Variants in SEC14L5 observed in about 807,000 individuals in gnomAD.
SEC14L5 encodes the protein SEC14 like lipid binding 5, also known as SEC14-like protein 5.
Under a neutral mutation model 84.6 loss-of-function variants are expected in SEC14L5, and 96 were observed. That is an observed-to-expected ratio of 1.13 (90% CI 0.96 to 1.34). The LOEUF is 1.34. Ranked by LOEUF, SEC14L5 falls within the 40% of genes most tolerant of loss-of-function variation. SEC14L5 has a pLI of 0.00. For synonymous variants in SEC14L5, 546 were observed against 383.4 expected (o/e 1.42, Z -4.95); for missense variants, 1,224 against 942.5 (o/e 1.30, Z -3.91).
chr16:4,991,803 C>G (rs778120192), intron 5 of SEC14L5, 35 bp from the exon 6 acceptor site: 1 of 1,495,392 alleles, frequency 6.7e-7, no homozygotes, highest in African/African-American at 1.4e-5. Context: ...CATCCTGCCC[C>G]GTGCTCATGT....
In SEC14L5 at chr16:5,003,448, C is replaced by T; in HGVS notation, c.1177C>T (p.Leu393=). The change falls in exon 11 of 16, where the codon CTG becomes TTG. Residue 393 remains leucine, a synonymous_variant. Transcript: ENST00000251170. ...CCTGGAGGGACTCAACATGCGGCAC[C>T]TGTGGCGGCCGGGGGTGAAGGCCCT... is the stretch of plus-strand genomic sequence containing the variant. ...LDLEGLNMRH[L]WRPGVKALLR... is the part of the protein sequence containing the mutation. 1 of 1,613,464 alleles carries T rather than the reference C, an allele frequency of 6.2e-7. No homozygotes were observed. The highest frequency in any genetic ancestry group is 8.5e-7 in the Non-Finnish European group (1 of 1,179,744).
Position 4,991,955 on chromosome 16 carries a change from A to G in SEC14L5, c.592A>G (p.Arg198Gly). The G allele has an allele frequency of 6.3e-7, 1 of 1,596,504 alleles. No individual in the cohort carries two copies. The highest frequency in any genetic ancestry group is 8.5e-7 in the Non-Finnish European group (1 of 1,175,370). ...GGATGCCCGCAACCAGGCTGGACCGAGGGACCCCAGCTCCCTGGAGGCCCA... is the reference window on the plus strand; with the variant it reads ...GGATGCCCGCAACCAGGCTGGACCGGGGGACCCCAGCTCCCTGGAGGCCCA... ...EEDARNQAGPRDPSSLEAHGP... is the reference protein window; with the variant it reads ...EEDARNQAGPGDPSSLEAHGP... Residue 198 changes from arginine (R) to glycine (G), a missense_variant, in exon 6 of 16, where the codon AGG (arginine) becomes GGG (glycine). Transcript: ENST00000251170.
At chr16:4,980,619 C>G (rs183712540) in intron 2 of SEC14L5, among the ~76,000 whole-genome samples, 1 of 152,148 alleles carries the variant, frequency 6.6e-6, no homozygotes, top group African/African-American at 2.4e-5. Flanking sequence ...GGACCAAGCC[C>G]GGCACAGGTA....
chr16:4,962,315 C>T (rs1197678241), intron 2 of SEC14L5, among the ~76,000 whole-genome samples: 2 of 152,108 alleles, frequency 1.3e-5, no homozygotes, highest in African/African-American at 2.4e-5. Context: ...AATGAAGGCA[C>T]GGCTCCATTT....
At chr16:5,011,662 C>A (rs1220409535) in intron 15 of SEC14L5, among the ~76,000 whole-genome samples, 2 of 152,146 alleles carry the variant, frequency 1.3e-5, no homozygotes, top group Admixed American at 6.5e-5. Context: ...CAAGTTGTTG[C>A]TTTCAGAGAG....
intron 2 of SEC14L5, among the ~76,000 whole-genome samples, chr16:4,976,189 A>G (rs150634743): frequency 2.0e-5 from 3 of 152,222 alleles, no homozygotes; most frequent in African/African-American, 7.2e-5. Flanking sequence ...TATTCTTCTG[A>G]CAAGTAGCAA....
At chr16:4,987,498 G>GCA (rs1555529516) in intron 2 of SEC14L5, 59 bp from the exon 3 acceptor site, 5 of 667,676 alleles carry the variant, frequency 7.5e-6, no homozygotes, top group Non-Finnish European at 7.5e-6. Context: ...AGGTCGCGCT[G>GCA]GGGGGGGGGG....
chr16:4,981,196 A>C (rs1955419423), intron 2 of SEC14L5, among the ~76,000 whole-genome samples: 1 of 150,072 alleles, frequency 6.7e-6, no homozygotes, highest in South Asian at 2.1e-4. Context: ...CACTCACTGC[A>C]ATCTCTGCCT....
intron 2 of SEC14L5, among the ~76,000 whole-genome samples, chr16:4,976,297 G>C (rs1210493508): frequency 6.6e-6 from 1 of 152,202 alleles, no homozygotes; most frequent in East Asian, 1.9e-4. Context: ...GCAGAGCAGA[G>C]ATCCCAACCC....
chr16:4,974,528 G>A (rs550472621), intron 2 of SEC14L5, among the ~76,000 whole-genome samples: 1 of 152,032 alleles, frequency 6.6e-6, no homozygotes, highest in South Asian at 2.1e-4. Flanking sequence ...AAAAGGGTGG[G>A]CTATATGATA....
intron 4 of SEC14L5, among the ~76,000 whole-genome samples, 177 bp downstream of exon 4, chr16:4,988,457 A>C (rs543137552): frequency 6.6e-6 from 1 of 152,260 alleles, no homozygotes; most frequent in South Asian, 2.1e-4. Context: ...AACAACCCAT[A>C]ATTTTTTTAG....
Position 5,000,718 on chromosome 16 carries a change from T to C in SEC14L5, c.1034T>C (p.Val345Ala). ...QMDTKGLMKA[V>A]GEEALLRHVL... ...GACACCAAAGGCTTGATGAAGGCCG[T>C]GGGGGAGGAGGCGCTGCTGCGGCAT... The change falls in exon 9 of 16, where the codon GTG becomes GCG. Residue 345 changes from valine to alanine, a missense_variant. Physicochemically the swap from Val to Ala is moderately conservative, Grantham distance 64. Coordinates refer to ENST00000251170, the MANE Select transcript of SEC14L5 (RefSeq NM_014692.2). 1 of 1,552,554 alleles carries C rather than the reference T, an allele frequency of 6.4e-7. No individual in the cohort carries two copies. Among genetic ancestry groups the C allele is most frequent in the Non-Finnish European group, 8.7e-7 (1 of 1,147,712 alleles).
intron 2 of SEC14L5, among the ~76,000 whole-genome samples, chr16:4,959,774 C>T (rs1383420708): frequency 6.6e-6 from 1 of 152,194 alleles, no homozygotes; most frequent in Admixed American, 6.5e-5. Flanking sequence ...ACTGTCTTAA[C>T]AGATGATGTT....
intron 2 of SEC14L5, among the ~76,000 whole-genome samples, chr16:4,964,558 T>G (rs1328589628): frequency 6.6e-6 from 1 of 151,986 alleles, no homozygotes; most frequent in East Asian, 1.9e-4. Context: ...CACTCCAGCC[T>G]GGGTGACAGA....
At chr16:5,011,316 G>T (rs745608314) in intron 15 of SEC14L5, 43 bp downstream of exon 15, 11 of 1,579,742 alleles carry the variant, frequency 7.0e-6, no homozygotes, top group Admixed American at 1.7e-5. Flanking sequence ...GAAGGACCCT[G>T]GGGCTGATTG....
At chr16:5,008,141 C>T (rs1955755141) in intron 13 of SEC14L5, among the ~76,000 whole-genome samples, 1 of 151,988 alleles carries the variant, frequency 6.6e-6, no homozygotes, top group Non-Finnish European at 1.5e-5. Context: ...GTCTCGAACT[C>T]CTGACCTCAA....
chr16:4,977,721 C>G (rs1244955771), intron 2 of SEC14L5, among the ~76,000 whole-genome samples: 2 of 152,112 alleles, frequency 1.3e-5, no homozygotes, highest in Non-Finnish European at 2.9e-5. Flanking sequence ...TTCCGGGGCT[C>G]CCTGGTCCCT....
At chr16:4,993,529 TGCCCATG>T (rs1393382803) in intron 6 of SEC14L5, among the ~76,000 whole-genome samples, 24 of 152,250 alleles carry the variant, frequency 1.6e-4, no homozygotes, top group African/African-American at 5.3e-4. Flanking sequence ...TGTGAGCCAC[TGCCCATG>T]GCCTTGATTA....
rs370305201 is a variant in SEC14L5, at chr16:5,003,578, G to C, written c.1302+5G>C. ...TTCCCCGTGCTCTGGACACTGGTAA[G>C]AGCTGGAGCCTGGGCCAGGACTCTC... On this transcript the variant is annotated splice_donor_5th_base_variant and intron_variant, in intron 11 of 15. Coordinates refer to ENST00000251170, the MANE Select transcript of SEC14L5 (RefSeq NM_014692.2). The C allele has an allele frequency of 5.8e-6, 9 of 1,543,246 alleles. No homozygotes were observed. Among genetic ancestry groups the C allele is most frequent in the Non-Finnish European group, 7.9e-6 (9 of 1,138,036 alleles).
Sources: gnomAD v4.1 joint callset for allele counts (sites outside exome capture counted in the v4.1 genomes callset) on GRCh38, gnomAD v4.1.1 for gene constraint, MANE v1.5 for transcripts, NCBI Gene and HGNC (gene_info 2026-07-23, HGNC 2026-07-21) for gene names.